SPATA13: variants seen among roughly 807,000 people sequenced by gnomAD.
SPATA13 encodes the protein spermatogenesis-associated protein 13.
SPATA13 carries 50 observed loss-of-function variants against 104.0 expected under a neutral mutation model. The ratio of observed to expected loss-of-function variants is 0.48; its 90% CI spans 0.38 to 0.61. The LOEUF is 0.61. SPATA13 is among the 20% of genes least tolerant of loss of function. The pLI is 0.00. For missense variants in SPATA13, 1,524 were observed against 1,690.6 expected (o/e 0.90, Z 1.73); for synonymous variants, 606 against 667.5 (o/e 0.91, Z 1.42).
intron 1 of SPATA13, among the ~76,000 whole-genome samples, chr13:24,198,283 G>T (rs117519788): frequency 6.6e-6 from 1 of 152,082 alleles, no homozygotes. Flanking sequence ...GTGAGCCACC[G>T]CACCGAGCCA....
At chr13:24,024,792 A>G (rs12427719) in intron 3 of SPATA13, among the ~76,000 whole-genome samples, 12,325 of 151,594 alleles carry the variant, frequency 0.081, 1,004 homozygotes, top group East Asian at 0.44. Context: ...GTGCAGTGGC[A>G]CATGCCTGTG....
At chr13:24,233,374 C>A (rs1006692265) in intron 2 of SPATA13, among the ~76,000 whole-genome samples, 4 of 152,174 alleles carry the variant, frequency 2.6e-5, no homozygotes, top group Admixed American at 2.6e-4. Flanking sequence ...CAACAGATAT[C>A]TTCTCTTACA....
At chr13:24,052,707 G>A (rs895949289) in intron 3 of SPATA13, among the ~76,000 whole-genome samples, 12 of 151,380 alleles carry the variant, frequency 7.9e-5, no homozygotes, top group Admixed American at 2.6e-4. Flanking sequence ...CTCAATAAAA[G>A]GCATATTTTA....
chr13:24,160,152 G>A (rs148116757), upstream of SPATA13, among the ~76,000 whole-genome samples: 988 of 152,350 alleles, frequency 6.5e-3, 16 homozygotes, highest in African/African-American at 0.023. Context: ...TCTGGCCCAG[G>A]CAGTGGGCAG....
At position 24,101,741 on chromosome 13, in the gene SPATA13, C is replaced by T. The variant is rs1314040429; in HGVS notation, c.-112+84040C>T. ...AAGTGGAATTGTTCAGTATTTATCT[C>T]TTGCCACTGACATATTTCATGTAGC... is the stretch of plus-strand genomic sequence containing the variant. On this transcript the variant is annotated intron_variant, in intron 3 of 14. Transcript: ENST00000424834. 2.6e-5 allele frequency among the ~76,000 whole-genome samples: 4 copies of T among 152,330 alleles called. No individual in the cohort carries two copies. In the East Asian group the frequency reaches 7.7e-4, roughly 29 times the overall value.
At chr13:24,181,341 C>T (rs1868792606) in intron 1 of SPATA13, among the ~76,000 whole-genome samples, 1 of 152,098 alleles carries the variant, frequency 6.6e-6, no homozygotes, top group Non-Finnish European at 1.5e-5. Flanking sequence ...TTACTATAAG[C>T]TTGTTACTTT....
chr13:24,173,505 C>A (rs1283389902), intron 1 of SPATA13, among the ~76,000 whole-genome samples: 2 of 143,920 alleles, frequency 1.4e-5, no homozygotes, highest in African/African-American at 5.3e-5. Flanking sequence ...CCCCCCCGTC[C>A]CCCAACTTTT....
At chr13:24,232,820 A>AT (rs1358661851) in intron 2 of SPATA13, among the ~76,000 whole-genome samples, 2 of 152,232 alleles carry the variant, frequency 1.3e-5, no homozygotes, top group African/African-American at 4.8e-5. Context: ...GAGTGCTGAG[A>AT]TTACAGGCAT....
intron 3 of SPATA13, among the ~76,000 whole-genome samples, chr13:24,021,826 C>G (rs1411265581): frequency 6.6e-6 from 1 of 152,004 alleles, no homozygotes; most frequent in Non-Finnish European, 1.5e-5. Flanking sequence ...ATTCTCCTGC[C>G]TCAGCCTCCC....
intron 1 of SPATA13, among the ~76,000 whole-genome samples, chr13:24,183,012 A>G (rs572779044): frequency 1.3e-5 from 2 of 152,138 alleles, no homozygotes; most frequent in Non-Finnish European, 2.9e-5. Context: ...AGGGCTTCTG[A>G]GGATATCTGC....
chr13:24,147,020 C>T (rs1039434799), intron 3 of SPATA13, among the ~76,000 whole-genome samples: 1 of 152,112 alleles, frequency 6.6e-6, no homozygotes, highest in African/African-American at 2.4e-5. Context: ...TCAATAAATT[C>T]ATTGCCCAAT....
intron 3 of SPATA13, among the ~76,000 whole-genome samples, chr13:24,057,384 G>A (rs992937278): frequency 2.0e-5 from 3 of 152,006 alleles, no homozygotes; most frequent in Admixed American, 6.6e-5. Flanking sequence ...ATCTGCAGAG[G>A]GGTCTCTTCA....
At chr13:24,130,395 A>G (rs1337504529) in intron 3 of SPATA13, among the ~76,000 whole-genome samples, 1 of 152,242 alleles carries the variant, frequency 6.6e-6, no homozygotes, top group Non-Finnish European at 1.5e-5. Flanking sequence ...AGCACAGTCT[A>G]GGACCCAGCC....
intron 1 of SPATA13, among the ~76,000 whole-genome samples, chr13:24,163,243 A>T (rs986743496): frequency 1.2e-4 from 18 of 152,178 alleles, no homozygotes; most frequent in African/African-American, 3.4e-4. Context: ...AAAAATAAAA[A>T]TAAGAAATCA....
At chr13:24,271,926 A>G (rs1311320751) in intron 4 of SPATA13, among the ~76,000 whole-genome samples, 1 of 152,234 alleles carries the variant, frequency 6.6e-6, no homozygotes, top group Non-Finnish European at 1.5e-5. Flanking sequence ...TTATCAAAAC[A>G]AGACTGGTGT....
chr13:24,118,414 G>C (rs886671823), intron 3 of SPATA13, among the ~76,000 whole-genome samples: 1 of 152,152 alleles, frequency 6.6e-6, no homozygotes, highest in African/African-American at 2.4e-5. Flanking sequence ...ATTTATACCT[G>C]ATATATTCAG....
intron 2 of SPATA13, among the ~76,000 whole-genome samples, chr13:24,010,450 G>GT (rs1261506637): frequency 2.1e-5 from 3 of 145,998 alleles, no homozygotes; most frequent in Non-Finnish European, 4.5e-5. Flanking sequence ...TGTGAGGGAG[G>GT]TATGTAGCTT....
chr13:24,154,381 A>G (rs975794176), intron 3 of SPATA13, among the ~76,000 whole-genome samples: 1 of 152,254 alleles, frequency 6.6e-6, no homozygotes, highest in Admixed American at 6.5e-5. Context: ...ACAGAGCAAC[A>G]TGGATGAATC....
chr13:24,095,359 G>GT (rs1301517166), intron 3 of SPATA13, among the ~76,000 whole-genome samples: 1 of 152,168 alleles, frequency 6.6e-6, no homozygotes, highest in East Asian at 1.9e-4. Context: ...AGTACTTAGA[G>GT]TAGTCAAAAT....
Sources: allele counts gnomAD v4.1 joint callset (sites outside exome capture counted in the v4.1 genomes callset), GRCh38; gene constraint gnomAD v4.1.1; transcripts MANE v1.5; gene names NCBI Gene and HGNC (gene_info 2026-07-23, HGNC 2026-07-21).